Variants in ARHGAP31 observed in about 807,000 individuals in gnomAD.
The protein encoded by ARHGAP31 is rho GTPase-activating protein 31.
Under a neutral mutation model 113.9 loss-of-function variants are expected in ARHGAP31, and 34 were observed. That is an observed-to-expected ratio of 0.30 (90% CI 0.23 to 0.40). The LOEUF (loss-of-function observed/expected upper bound fraction) is 0.40, where lower values mean the gene tolerates loss of function less well. ARHGAP31 is among the 10% of genes least tolerant of loss of function. ARHGAP31 has a pLI of 1.00. For missense variants in ARHGAP31, 1,548 were observed against 1,767.1 expected (o/e 0.88, Z 2.22); for synonymous variants, 650 against 684.8 (o/e 0.95, Z 0.79).
chr3:119,307,021 A>G (rs1160479434), intron 1 of ARHGAP31, among the ~76,000 whole-genome samples: 1 of 139,670 alleles, frequency 7.2e-6, no homozygotes, highest in Admixed American at 7.0e-5. Context: ...TTATTTTTAG[A>G]AAAAAAAAAC....
chr3:119,340,340 C>G (rs189996246), intron 1 of ARHGAP31, among the ~76,000 whole-genome samples: 5 of 152,306 alleles, frequency 3.3e-5, no homozygotes, highest in African/African-American at 1.2e-4. Context: ...CAATGGCTGT[C>G]TCTTAAAGTG....
chr3:119,329,743 C>G (rs925617707), intron 1 of ARHGAP31: 2 of 953,364 alleles, frequency 2.1e-6, no homozygotes, highest in Non-Finnish European at 2.5e-6. Context: ...CCTTCCTGCC[C>G]GCTCACAGAG....
chr3:119,355,120 G>GAAAAAGCA (rs2107618289), intron 1 of ARHGAP31, among the ~76,000 whole-genome samples: 1 of 152,214 alleles, frequency 6.6e-6, no homozygotes, highest in Admixed American at 6.5e-5. Flanking sequence ...TTCATCACTT[G>GAAAAAGCA]TGGTATCACA....
rs2080784105 is a variant in ARHGAP31 at position 119,416,935 on chromosome 3, A to G, written c.*671A>G. On this transcript the variant is annotated 3_prime_UTR_variant, in exon 12 of 12. Transcript: ENST00000264245. ...AGCATAGAAAATCAGAATCAAGAGCAAACTCTGAGACTGGCACAATCCAAG... is the reference window on the plus strand; with the variant it reads ...AGCATAGAAAATCAGAATCAAGAGCGAACTCTGAGACTGGCACAATCCAAG... The G allele has an allele frequency of 6.4e-6, 1 of 156,138 alleles. No individual in the cohort carries two copies. The highest frequency in any genetic ancestry group is 2.4e-5 in the African/African-American group (1 of 41,500). The allele number at this position is 156,138 out of a possible 1,614,324, so 9.7% of individuals were successfully genotyped here. A position where few individuals can be genotyped will look rare whatever the true frequency, so the allele number is the denominator to read the frequency against.
chr3:119,380,883 G>C, intron 3 of ARHGAP31, 21 bp from the exon 4 acceptor site: 1 of 1,612,206 alleles, frequency 6.2e-7, no homozygotes, highest in Non-Finnish European at 8.5e-7. Context: ...TCACCAGGCT[G>C]CCTTGTGTTC....
At chr3:119,313,474 TA>T (rs2079700515) in intron 1 of ARHGAP31, among the ~76,000 whole-genome samples, 2 of 152,264 alleles carry the variant, frequency 1.3e-5, no homozygotes, top group South Asian at 4.1e-4. Context: ...CTATTATCTA[TA>T]ACTTGTTAAA....
intron 6 of ARHGAP31, among the ~76,000 whole-genome samples, chr3:119,384,343 C>T (rs2107632668): frequency 6.6e-6 from 1 of 152,300 alleles, no homozygotes; most frequent in Non-Finnish European, 1.5e-5. Context: ...CAGAATTGTA[C>T]AACCATTACC....
At chr3:119,378,611 C>T (rs1247431101) in intron 3 of ARHGAP31, among the ~76,000 whole-genome samples, 1 of 152,196 alleles carries the variant, frequency 6.6e-6, no homozygotes, top group Admixed American at 6.5e-5. Context: ...TGAAGAGAAG[C>T]TCCCCACCCC....
intron 7 of ARHGAP31, among the ~76,000 whole-genome samples, chr3:119,391,352 C>T (rs1457446082): frequency 6.6e-6 from 1 of 152,016 alleles, no homozygotes; most frequent in Non-Finnish European, 1.5e-5. Flanking sequence ...ACTTCGACCC[C>T]CTCCCCGACC....
intron 1 of ARHGAP31, among the ~76,000 whole-genome samples, chr3:119,348,722 G>A (rs1265509954): frequency 1.3e-5 from 2 of 152,144 alleles, no homozygotes; most frequent in East Asian, 3.9e-4. Context: ...AGGGAATAAT[G>A]ACAAGAGAAA....
chr3:119,365,663 A>C (rs1026238579), intron 2 of ARHGAP31, among the ~76,000 whole-genome samples: 1 of 152,234 alleles, frequency 6.6e-6, no homozygotes, highest in African/African-American at 2.4e-5. Flanking sequence ...TTTGTCTTGC[A>C]CTAGATATAT....
rs1254948706 is a variant in ARHGAP31, at chr3:119,419,485, A to G, written c.*3221A>G. ...TAAAAATGTAAATATCATCATCCTTAGCAAATATTTATTGGGAGCTTAGTA... is the reference window on the plus strand; with the variant it reads ...TAAAAATGTAAATATCATCATCCTTGGCAAATATTTATTGGGAGCTTAGTA... On this transcript the variant is annotated 3_prime_UTR_variant, in exon 12 of 12. Coordinates refer to ENST00000264245, the MANE Select transcript of ARHGAP31 (RefSeq NM_020754.4). The G allele has an allele frequency of 6.6e-6, 1 of 152,148 alleles. No homozygotes were observed. The highest frequency in any genetic ancestry group is 2.4e-5 in the African/African-American group (1 of 41,432). The allele number at this position is 152,148 out of a possible 1,614,324, so 9.4% of individuals were successfully genotyped here.
intron 3 of ARHGAP31, among the ~76,000 whole-genome samples, chr3:119,374,890 A>C (rs2107627573): frequency 6.6e-6 from 1 of 152,364 alleles, no homozygotes; most frequent in South Asian, 2.1e-4. Context: ...GTGACACAAA[A>C]ACAGACAAAC....
At position 119,341,555 on chromosome 3, in the gene ARHGAP31, G is replaced by T. The variant is rs140458683; in HGVS notation, c.101-23761G>T. 5.3e-3 allele frequency among the ~76,000 whole-genome samples: 806 copies of T among 152,198 alleles called. 7 individuals are homozygous for T. The highest frequency in any genetic ancestry group is 0.014 in the Middle Eastern group (4 of 294). ...TAAGAAGAAAATCTCCCCAAAATTA[G>T]CGTTATGAACCCTTGAAATATGGTT... is the stretch of plus-strand genomic sequence containing the variant. On this transcript the variant is annotated intron_variant, in intron 1 of 11. Transcript: ENST00000264245.
intron 4 of ARHGAP31, among the ~76,000 whole-genome samples, chr3:119,381,282 A>G (rs940256583): frequency 2.6e-5 from 4 of 152,168 alleles, no homozygotes; most frequent in Non-Finnish European, 4.4e-5. Context: ...CTTGGTTCAT[A>G]CCCAGATTTG....
At chr3:119,360,749 G>T (rs907734061) in intron 1 of ARHGAP31, among the ~76,000 whole-genome samples, 4 of 152,186 alleles carry the variant, frequency 2.6e-5, no homozygotes, top group African/African-American at 9.7e-5. Flanking sequence ...TCTTCAAGTT[G>T]TATTTTGTGC....
At position 119,378,398 on chromosome 3, in the gene ARHGAP31, A is replaced by G. The variant is rs188447990; in HGVS notation, c.349-2506A>G. Reference sequence around the variant, plus strand: ...AATAATGAAATAAACACCAGTCCCAAATGGGACCTGCAGGCCTCCAGGGAT... The same window carrying G: ...AATAATGAAATAAACACCAGTCCCAGATGGGACCTGCAGGCCTCCAGGGAT... On this transcript the variant is annotated intron_variant, in intron 3 of 11. Transcript: ENST00000264245. 1.1e-4 allele frequency among the ~76,000 whole-genome samples: 17 copies of G among 152,236 alleles called. No homozygotes were observed. In the East Asian group the frequency reaches 3.1e-3, roughly 28 times the overall value.
At position 119,409,483 on chromosome 3, in the gene ARHGAP31, A is replaced by AT. The variant is rs1373466078; in HGVS notation, c.1646-9dup. The AT allele has an allele frequency of 6.2e-7, 1 of 1,613,922 alleles. No homozygotes were observed. Among genetic ancestry groups the AT allele is most frequent in the Admixed American group, 1.7e-5 (1 of 60,004 alleles). On this transcript the variant is annotated splice_polypyrimidine_tract_variant and intron_variant, in intron 10 of 11. Transcript: ENST00000264245. ...AAGTCTCCTTTAACTGATAACTCTC[A>AT]TTTTCACTGCAGCTTCTGTACCTAA...
At chr3:119,332,607 TCTCTC>T in intron 1 of ARHGAP31, among the ~76,000 whole-genome samples, 1 of 101,418 alleles carries the variant, frequency 9.9e-6, no homozygotes, top group African/African-American at 4.0e-5. Flanking sequence ...TCTCTCTTTC[TCTCTC>T]TCTCTCTCTC....
Sources: gnomAD v4.1 joint callset for allele counts (sites outside exome capture counted in the v4.1 genomes callset) on GRCh38, gnomAD v4.1.1 for gene constraint, MANE v1.5 for transcripts, NCBI Gene and HGNC (gene_info 2026-07-23, HGNC 2026-07-21) for gene names.